The following CCSER1 variants were observed in gnomAD, a reference collection of about 807,000 sequenced individuals.
CCSER1 encodes the protein coiled-coil serine rich protein 1, also known as serine-rich coiled-coil domain-containing protein 1.
A neutral mutation model predicts 82.0 loss-of-function variants in CCSER1; 41 were observed. The ratio of observed to expected loss-of-function variants is 0.50; its 90% CI spans 0.39 to 0.65. CCSER1 has a LOEUF of 0.65. Ranked by LOEUF, CCSER1 falls within the 30% of genes least tolerant of loss-of-function variation. CCSER1 has a pLI of 0.00. For missense variants in CCSER1, 1,119 were observed against 1,064.2 expected (o/e 1.05, Z -0.72); for synonymous variants, 414 against 383.9 (o/e 1.08, Z -0.92).
chr4:91,225,991 T>G (rs1175061739), intron 10 of CCSER1, among the ~76,000 whole-genome samples: 1 of 151,894 alleles, frequency 6.6e-6, no homozygotes, highest in Non-Finnish European at 1.5e-5. Flanking sequence ...ACAAAAACAT[T>G]AGCAGAATTA....
chr4:91,344,615 C>G (rs1219154743), intron 10 of CCSER1, among the ~76,000 whole-genome samples: 1 of 150,230 alleles, frequency 6.7e-6, no homozygotes, highest in East Asian at 1.9e-4. Context: ...TTTTTGGTAG[C>G]TTTTTAACCT....
chr4:90,467,575 C>T (rs764722620), intron 4 of CCSER1, among the ~76,000 whole-genome samples: 3 of 149,718 alleles, frequency 2.0e-5, no homozygotes, highest in East Asian at 4.0e-4. Flanking sequence ...CCTAGCTACT[C>T]GGGAGGCTGA....
At chr4:90,795,610 A>C (rs1755897569) in intron 7 of CCSER1, among the ~76,000 whole-genome samples, 1 of 152,148 alleles carries the variant, frequency 6.6e-6, no homozygotes, top group Admixed American at 6.5e-5. Flanking sequence ...TTGCCCATTC[A>C]GTGTAGCGTT....
At chr4:91,004,059 C>T (rs2150484009) in intron 9 of CCSER1, among the ~76,000 whole-genome samples, 1 of 152,306 alleles carries the variant, frequency 6.6e-6, no homozygotes, top group East Asian at 1.9e-4. Context: ...GTTTGGGCAC[C>T]CACATTATTT....
chr4:91,112,340 G>A (rs763453961), intron 10 of CCSER1, among the ~76,000 whole-genome samples: 10 of 151,560 alleles, frequency 6.6e-5, no homozygotes, highest in Non-Finnish European at 1.5e-4. Flanking sequence ...TATAAAGTTT[G>A]ACTGTGTTCT....
chr4:91,351,241 C>G lies in CCSER1; in HGVS notation c.2218-247331C>G, dbSNP rs190400661. Among the ~76,000 whole-genome samples, 569 of 152,006 alleles carry G rather than the reference C, an allele frequency of 3.7e-3. 4 individuals are homozygous for G. Among genetic ancestry groups the G allele is most frequent in the Middle Eastern group, 0.014 (4 of 294 alleles). ...ATTTTATAAATACACATCAATGTTG[C>G]ACAATACTCAATTGTCTTTACATAT... On this transcript the variant is annotated intron_variant, in intron 10 of 10. Coordinates refer to ENST00000509176, the MANE Select transcript of CCSER1 (RefSeq NM_001145065.2).
At chr4:91,051,554 G>A (rs530388593) in intron 9 of CCSER1, among the ~76,000 whole-genome samples, 1 of 152,142 alleles carries the variant, frequency 6.6e-6, no homozygotes, top group East Asian at 1.9e-4. Context: ...AAAGATTTAT[G>A]TACAGTTATT....
At chr4:91,225,641 T>G (rs1332727461) in intron 10 of CCSER1, among the ~76,000 whole-genome samples, 1 of 151,762 alleles carries the variant, frequency 6.6e-6, no homozygotes, top group Non-Finnish European at 1.5e-5. Context: ...GCAGAATTTG[T>G]GTATTCTGTT....
chr4:90,991,896 G>A (rs1185585989), intron 9 of CCSER1, among the ~76,000 whole-genome samples: 6 of 151,960 alleles, frequency 3.9e-5, no homozygotes, highest in Admixed American at 3.3e-4. Context: ...ATCTGGCTTT[G>A]GATGTTACTA....
At chr4:91,105,839 G>A (rs1725555440) in intron 10 of CCSER1, among the ~76,000 whole-genome samples, 1 of 152,116 alleles carries the variant, frequency 6.6e-6, no homozygotes, top group Non-Finnish European at 1.5e-5. Flanking sequence ...CTAGTTTGAT[G>A]GTAAAAACCT....
chr4:90,872,336 C>T (rs571318113), intron 8 of CCSER1, among the ~76,000 whole-genome samples: 1 of 151,604 alleles, frequency 6.6e-6, no homozygotes, highest in African/African-American at 2.4e-5. Context: ...GATTACATTT[C>T]TTGCTTTTTA....
intron 8 of CCSER1, among the ~76,000 whole-genome samples, chr4:90,895,818 A>G (rs1329272145): frequency 6.6e-6 from 1 of 151,932 alleles, no homozygotes; most frequent in African/African-American, 2.4e-5. Flanking sequence ...ACAAATAGCC[A>G]GTGACCAGAC....
At chr4:90,915,669 A>G (rs12506978) in intron 8 of CCSER1, among the ~76,000 whole-genome samples, 16,134 of 152,088 alleles carry the variant, frequency 0.11, 1,291 homozygotes, top group East Asian at 0.22. Flanking sequence ...GGCCAGGTCA[A>G]TCAGGCAGGA....
chr4:91,466,433 A>C (rs1019016678), intron 10 of CCSER1, among the ~76,000 whole-genome samples: 2 of 152,194 alleles, frequency 1.3e-5, no homozygotes, highest in Admixed American at 6.5e-5. Context: ...ATTCCCTTTG[A>C]AAACTGGCAC....
intron 8 of CCSER1, among the ~76,000 whole-genome samples, chr4:90,824,025 G>A (rs968284197): frequency 4.6e-5 from 7 of 151,262 alleles, no homozygotes; most frequent in African/African-American, 9.7e-5. Flanking sequence ...AGAAGAGGAC[G>A]GTTAAAAATA....
chr4:91,038,544 A>G (rs1741649746), intron 9 of CCSER1, among the ~76,000 whole-genome samples: 2 of 152,220 alleles, frequency 1.3e-5, no homozygotes, highest in Admixed American at 1.3e-4. Flanking sequence ...AGTTGGATGA[A>G]TAAAGAACAA....
intron 10 of CCSER1, among the ~76,000 whole-genome samples, chr4:91,498,532 G>C (rs1479386975): frequency 6.6e-6 from 1 of 151,378 alleles, no homozygotes; most frequent in Non-Finnish European, 1.5e-5. Context: ...TCTTAAATAA[G>C]TGTAATAATA....
intron 1 of CCSER1, among the ~76,000 whole-genome samples, chr4:90,262,942 G>T (rs1003993420): frequency 3.3e-5 from 5 of 152,168 alleles, no homozygotes; most frequent in African/African-American, 1.2e-4. Flanking sequence ...GTTCCAGGAA[G>T]GCTGTCTATA....
intron 5 of CCSER1, among the ~76,000 whole-genome samples, chr4:90,620,875 G>GCGAT (rs1254862397): frequency 5.9e-5 from 9 of 151,938 alleles, no homozygotes; most frequent in Non-Finnish European, 8.8e-5. Context: ...GTGCAGTGGC[G>GCGAT]CGATCTCAGC....
Sources: gnomAD v4.1 joint callset for allele counts (sites outside exome capture counted in the v4.1 genomes callset) on GRCh38, gnomAD v4.1.1 for gene constraint, MANE v1.5 for transcripts, NCBI Gene and HGNC (gene_info 2026-07-23, HGNC 2026-07-21) for gene names.